UBE2W: variants seen among roughly 807,000 people sequenced by gnomAD.
UBE2W encodes ubiquitin-conjugating enzyme E2 W.
In UBE2W, 18 loss-of-function variants were observed where a neutral mutation model predicts 27.2. The ratio of observed to expected loss-of-function variants is 0.66; its 90% CI spans 0.46 to 0.98. The LOEUF is 0.98. Among genes scored for constraint, UBE2W ranks in the 50% least tolerant of loss-of-function variants. The pLI is 0.00. For synonymous variants in UBE2W, 53 were observed against 57.2 expected (o/e 0.93, Z 0.33); for missense variants, 90 against 180.2 (o/e 0.50, Z 2.87).
At chr8:73,848,510 C>A (rs1810913664) in intron 1 of UBE2W, among the ~76,000 whole-genome samples, 2 of 152,012 alleles carry the variant, frequency 1.3e-5, no homozygotes, top group South Asian at 4.2e-4. Context: ...ACAGGGAGAC[C>A]ATGTTTCTAC....
In UBE2W at chr8:73,788,463, C is replaced by G. The variant is rs1463050253; in HGVS notation, c.*5639G>C. 2.0e-6 allele frequency: 2 copies of G among 985,304 alleles called. No homozygotes were observed. Among genetic ancestry groups the G allele is most frequent in the African/African-American group, 3.5e-5 (2 of 57,236 alleles). The allele number at this position is 985,304 out of a possible 1,614,324, so 61.0% of individuals were successfully genotyped here. A position where few individuals can be genotyped will look rare whatever the true frequency, so the allele number is the denominator to read the frequency against. On this transcript the variant is annotated 3_prime_UTR_variant, in exon 6 of 6. Coordinates refer to ENST00000602593, the MANE Select transcript of UBE2W (RefSeq NM_018299.6). ...TGAACATGCATTTAGTTTTTGGCTA[C>G]TAATCAACCCAATAATCCATTTTAC...
At chr8:73,828,858 C>G (rs574110552) in intron 2 of UBE2W, among the ~76,000 whole-genome samples, 6 of 152,062 alleles carry the variant, frequency 3.9e-5, no homozygotes, top group Admixed American at 6.6e-5. Context: ...AATACTAGAT[C>G]TTCTTCATTC....
intron 1 of UBE2W, among the ~76,000 whole-genome samples, chr8:73,835,722 G>C (rs114660164): frequency 3.9e-5 from 6 of 152,148 alleles, no homozygotes; most frequent in Non-Finnish European, 5.9e-5. Context: ...CAGCCTGGGC[G>C]AGAGAGCGAG....
chr8:73,852,408 C>A (rs989321521), intron 1 of UBE2W, among the ~76,000 whole-genome samples: 1 of 152,116 alleles, frequency 6.6e-6, no homozygotes, highest in Non-Finnish European at 1.5e-5. Flanking sequence ...AATGAACACT[C>A]CAAATGAAAT....
chr8:73,872,277 C>T (rs1347029350), intron 1 of UBE2W, among the ~76,000 whole-genome samples: 1 of 152,150 alleles, frequency 6.6e-6, no homozygotes, highest in East Asian at 1.9e-4. Context: ...TTACTTAACA[C>T]TTCAAAAAGC....
In UBE2W at chr8:73,787,172, A is replaced by G; in HGVS notation, c.*6930T>C. The stretch of plus-strand genomic sequence containing the variant: ...ATAAATCTTACAGGCAACTAAAAAA[A>G]TGGTTGAAAGGGGCTCCCAACAGGA... On this transcript the variant is annotated 3_prime_UTR_variant, in exon 6 of 6. Coordinates refer to ENST00000602593, the MANE Select transcript of UBE2W (RefSeq NM_018299.6). The G allele has an allele frequency of 1.0e-6, 1 of 985,464 alleles. No individual in the cohort carries two copies. The allele number at this position is 985,464 out of a possible 1,614,324, so 61.0% of individuals were successfully genotyped here.
Position 73,859,861 on chromosome 8 carries a change from A to G in UBE2W, c.15+18947T>C, listed in dbSNP as rs533787164. On this transcript the variant is annotated intron_variant, in intron 1 of 5. Coordinates refer to ENST00000602593, the MANE Select transcript of UBE2W (RefSeq NM_018299.6). ...GATGTTCTGTCCTCTGCAACATCTAAAAGAACCAAACACAAACTCCCTATA... is the reference window on the plus strand; with the variant it reads ...GATGTTCTGTCCTCTGCAACATCTAGAAGAACCAAACACAAACTCCCTATA... 3.9e-5 allele frequency among the ~76,000 whole-genome samples: 6 copies of G among 152,276 alleles called. No homozygotes were observed. In the South Asian group the frequency reaches 1.0e-3, roughly 26 times the overall value.
At chr8:73,851,493 C>T (rs1811078719) in intron 1 of UBE2W, among the ~76,000 whole-genome samples, 1 of 152,028 alleles carries the variant, frequency 6.6e-6, no homozygotes, top group Non-Finnish European at 1.5e-5. Flanking sequence ...TAAAATCACC[C>T]CTTAATCTCA....
intron 1 of UBE2W, among the ~76,000 whole-genome samples, chr8:73,832,292 TTC>T (rs775649289): frequency 1.6e-4 from 25 of 151,956 alleles, no homozygotes; most frequent in East Asian, 1.5e-3. Context: ...CAGAGTGAGA[TTC>T]TGTCTCAAAA....
rs370224389 is a variant in UBE2W at position 73,798,929 on chromosome 8, G to GT, written c.443-4815dup. Among the ~76,000 whole-genome samples, 34 of 140,738 alleles carry GT rather than the reference G, an allele frequency of 2.4e-4. No individual in the cohort carries two copies. The East Asian group carries it at 3.0e-3, about 12-fold the overall frequency. 92.3% of individuals were successfully genotyped at this position (140,738 alleles called of 152,430 possible). On this transcript the variant is annotated intron_variant, in intron 5 of 5. Transcript: ENST00000602593. ...TTGCATACCTATTTTGGTTAGGCTT[G>GT]TTTTTTTTTTAACCCTATTCTCCCT...
At chr8:73,837,179 T>C (rs1320704775) in intron 1 of UBE2W, among the ~76,000 whole-genome samples, 1 of 152,212 alleles carries the variant, frequency 6.6e-6, no homozygotes, top group African/African-American at 2.4e-5. Context: ...ACACATATCC[T>C]GATTTGAAAG....
intron 1 of UBE2W, among the ~76,000 whole-genome samples, chr8:73,844,960 C>G (rs575107367): frequency 6.3e-4 from 96 of 151,498 alleles, no homozygotes; most frequent in African/African-American, 2.3e-3. Flanking sequence ...GCAGCCGCCC[C>G]GTCTGGGAAG....
At chr8:73,877,836 G>A (rs1048770281) in intron 1 of UBE2W, among the ~76,000 whole-genome samples, 1 of 138,878 alleles carries the variant, frequency 7.2e-6, no homozygotes, top group Admixed American at 6.8e-5. Flanking sequence ...TGCCATCTTT[G>A]CCTGGAAACA....
At chr8:73,815,299 A>C (rs148017434) in intron 3 of UBE2W, among the ~76,000 whole-genome samples, 287 of 152,242 alleles carry the variant, frequency 1.9e-3, no homozygotes, top group Non-Finnish European at 3.4e-3. Context: ...TGTTTGAGCC[A>C]GGAGTCTGAG....
chr8:73,832,035 G>A (rs1810087056), intron 1 of UBE2W: 2 of 151,704 alleles, frequency 1.3e-5, no homozygotes, highest in South Asian at 4.2e-4. Flanking sequence ...CTTTGGGAGG[G>A]AGAGACGGGG....
intron 1 of UBE2W, among the ~76,000 whole-genome samples, chr8:73,878,299 G>T (rs2131008442): frequency 6.6e-6 from 1 of 152,342 alleles, no homozygotes; most frequent in East Asian, 1.9e-4. Context: ...GGCCCGGCGT[G>T]GGAGGCCGGA....
chr8:73,793,914 G>A lies in UBE2W; in HGVS notation c.*188C>T. 2 of 1,415,038 alleles carry A rather than the reference G, an allele frequency of 1.4e-6. No individual in the cohort carries two copies. Among genetic ancestry groups the A allele is most frequent in the Non-Finnish European group, 1.9e-6 (2 of 1,081,022 alleles). The allele number at this position is 1,415,038 out of a possible 1,614,324, so 87.7% of individuals were successfully genotyped here. ...CTGTATGACTAATAAAAGCATGTCAGTTGCCTGGACTGAACCAGCGATCAA... is the reference window on the plus strand; with the variant it reads ...CTGTATGACTAATAAAAGCATGTCAATTGCCTGGACTGAACCAGCGATCAA... On this transcript the variant is annotated 3_prime_UTR_variant, in exon 6 of 6. Transcript: ENST00000602593.
intron 5 of UBE2W, among the ~76,000 whole-genome samples, chr8:73,801,088 C>CA (rs948886803): frequency 1.9e-4 from 28 of 150,364 alleles, no homozygotes; most frequent in African/African-American, 3.7e-4. Context: ...AAAACTCCGT[C>CA]AAAAAAAAGA....
At position 73,793,346 on chromosome 8, in the gene UBE2W, C is replaced by T. The variant is rs1477346160; in HGVS notation, c.*756G>A. 3.0e-6 allele frequency: 3 copies of T among 985,646 alleles called. No individual in the cohort carries two copies. The highest frequency in any genetic ancestry group is 3.6e-6 in the Non-Finnish European group (3 of 829,900). The allele number at this position is 985,646 out of a possible 1,614,324, so 61.1% of individuals were successfully genotyped here. A position where few individuals can be genotyped will look rare whatever the true frequency, so the allele number is the denominator to read the frequency against. Reference sequence around the variant, plus strand: ...TAAAGCCTTGATTAAACCATTCATACCCTATATTACTCATACCTTTACTTC... The same window carrying T: ...TAAAGCCTTGATTAAACCATTCATATCCTATATTACTCATACCTTTACTTC... On this transcript the variant is annotated 3_prime_UTR_variant, in exon 6 of 6. Transcript: ENST00000602593.
Sources: gnomAD v4.1 joint callset for allele counts (sites outside exome capture counted in the v4.1 genomes callset) on GRCh38, gnomAD v4.1.1 for gene constraint, MANE v1.5 for transcripts, NCBI Gene and HGNC (gene_info 2026-07-23, HGNC 2026-07-21) for gene names.